Variants in LAMP5 observed in about 807,000 individuals in gnomAD.
LAMP5 encodes the protein lysosome associated membrane protein 5, also known as lysosome-associated membrane glycoprotein 5.
In LAMP5, 36 loss-of-function variants were observed where a neutral mutation model predicts 30.2. The ratio of observed to expected loss-of-function variants is 1.19; its 90% confidence interval spans 0.91 to 1.57. LAMP5 has a LOEUF of 1.57. Ranked by LOEUF, LAMP5 falls within the 40% of genes most tolerant of loss-of-function variation. LAMP5 has a pLI of 0.00. For missense variants in LAMP5, 377 were observed against 354.9 expected, an observed-to-expected ratio of 1.06 and a Z score of -0.50; for synonymous variants, 149 against 134.6, an observed-to-expected ratio of 1.11 and a Z score of -0.74.
intron 5 of LAMP5, among the ~76,000 whole-genome samples, chr20:9,525,269 A>G (rs1281964595): frequency 6.6e-6 from 1 of 152,196 alleles, no homozygotes; most frequent in African/African-American, 2.4e-5. Flanking sequence ...AAAGACTCCC[A>G]TATTTAAAAG....
chr20:9,517,966 C>T, intron 4 of LAMP5, 74 bp from the exon 5 acceptor site: 5 of 1,356,476 alleles, frequency 3.7e-6, no homozygotes, highest in African/African-American at 1.5e-5. Context: ...AACTGAGAGG[C>T]AATAGCCAGC....
At chr20:9,523,643 G>A (rs992537802) in intron 5 of LAMP5, among the ~76,000 whole-genome samples, 1 of 152,052 alleles carries the variant, frequency 6.6e-6, no homozygotes, top group Admixed American at 6.6e-5. Flanking sequence ...GCTGGTTTTT[G>A]TCTCTTCCAG....
intron 5 of LAMP5, 125 bp from the exon 6 acceptor site, chr20:9,529,517 C>A: frequency 1.0e-6 from 1 of 983,806 alleles, no homozygotes; most frequent in Non-Finnish European, 1.5e-6. Flanking sequence ...AAAACTATTT[C>A]TGAAAAATAG....
At chr20:9,521,072 T>C (rs1313203460) in intron 5 of LAMP5, among the ~76,000 whole-genome samples, 1 of 152,130 alleles carries the variant, frequency 6.6e-6, no homozygotes, top group African/African-American at 2.4e-5. Flanking sequence ...AAAGGCACAA[T>C]AAGCTTCATT....
At chr20:9,515,037 T>C in intron 1 of LAMP5, 121 bp downstream of exon 1, 1 of 919,434 alleles carries the variant, frequency 1.1e-6, no homozygotes, top group Non-Finnish European at 1.7e-6. Flanking sequence ...TGCGGTGTTT[T>C]TTCTTTTTTT....
intron 3 of LAMP5, 40 bp downstream of exon 3, chr20:9,516,171 G>C (rs1022629326): frequency 1.3e-6 from 2 of 1,595,100 alleles, no homozygotes; most frequent in Admixed American, 1.7e-5. Flanking sequence ...CGCAGGCTCC[G>C]CGTGGGTGTG....
intron 3 of LAMP5, 40 bp downstream of exon 3, chr20:9,516,171 G>T: frequency 1.3e-6 from 2 of 1,595,100 alleles, no homozygotes; most frequent in Non-Finnish European, 1.7e-6. Context: ...CGCAGGCTCC[G>T]CGTGGGTGTG....
At position 9,514,672 on chromosome 20, in the gene LAMP5, T is replaced by G; in HGVS notation, c.-181T>G. On this transcript the variant is annotated 5_prime_UTR_variant, in exon 1 of 6. Coordinates refer to ENST00000246070, the MANE Select transcript of LAMP5 (RefSeq NM_012261.4). ...AGCCGATTTGCTCTGCCAGCAGCTG[T>G]CGGTGCCGCGCTCGACACCGAGTCC... is the stretch of plus-strand genomic sequence containing the variant. 1.8e-6 allele frequency: 1 copy of G among 554,058 alleles called. No homozygotes were observed. The highest frequency in any genetic ancestry group is 3.2e-6 in the Non-Finnish European group (1 of 309,288). 34.3% of individuals were successfully genotyped at this position (554,058 alleles called of 1,614,324 possible). A position where few individuals can be genotyped will look rare whatever the true frequency, so the allele number is the denominator to read the frequency against.
Position 9,529,691 on chromosome 20 carries a change from C to G in LAMP5, c.714C>G (p.Pro238=). 1.2e-6 allele frequency: 2 copies of G among 1,614,196 alleles called. No homozygotes were observed. Among genetic ancestry groups the G allele is most frequent in the Non-Finnish European group, 1.7e-6 (2 of 1,180,022 alleles). ...GGGAGCAACTGGAAGAAACCTTGCC[C>G]CTGATTTTGGGGCTCATCTTGGGCC... is the stretch of plus-strand genomic sequence containing the variant. ...DEREQLEETL[P]LILGLILGLV... is the part of the protein sequence containing the mutation. Residue 238 remains proline (P), a synonymous_variant, in exon 6 of 6, where the codon CCC becomes CCG. Coordinates refer to ENST00000246070, the MANE Select transcript of LAMP5 (RefSeq NM_012261.4).
chr20:9,518,547 T>C (rs1462014502), intron 5 of LAMP5, among the ~76,000 whole-genome samples: 1 of 152,178 alleles, frequency 6.6e-6, no homozygotes, highest in Admixed American at 6.5e-5. Flanking sequence ...CATCTTTCCC[T>C]CTCTCCCCAT....
At chr20:9,515,922 G>C (rs1405948451) in intron 2 of LAMP5, 78 bp from the exon 3 acceptor site, 2 of 1,416,900 alleles carry the variant, frequency 1.4e-6, no homozygotes, top group Non-Finnish European at 1.9e-6. Flanking sequence ...GCAACCCAGA[G>C]TTTGGACGCG....
In LAMP5 at chr20:9,514,843, C is replaced by A. The variant is rs372081755; in HGVS notation, c.-10C>A. 65 of 1,613,736 alleles carry A rather than the reference C, an allele frequency of 4.0e-5. No individual in the cohort carries two copies. Among genetic ancestry groups the A allele is most frequent in the Non-Finnish European group, 5.3e-5 (62 of 1,179,774 alleles). On this transcript the variant is annotated 5_prime_UTR_variant, in exon 1 of 6. Transcript: ENST00000246070. Reference sequence around the variant, plus strand: ...GCAGCACAGCCGGCCTCATTCGGGGCACTGCGAGTATGGATCTCCAAGGAA... The same window carrying A: ...GCAGCACAGCCGGCCTCATTCGGGGAACTGCGAGTATGGATCTCCAAGGAA...
In LAMP5 at chr20:9,529,948, A is replaced by G. The variant is rs527297130; in HGVS notation, c.*128A>G. The G allele has an allele frequency of 6.4e-6, 6 of 939,454 alleles. No individual in the cohort carries two copies. In the African/African-American group the frequency reaches 8.2e-5, roughly 13 times the overall value. The allele number at this position is 939,454 out of a possible 1,614,324, so 58.2% of individuals were successfully genotyped here. On this transcript the variant is annotated 3_prime_UTR_variant, in exon 6 of 6. Coordinates refer to ENST00000246070, the MANE Select transcript of LAMP5 (RefSeq NM_012261.4). The stretch of plus-strand genomic sequence containing the variant: ...ACAATCAAACAGGCCTGGGTATCTG[A>G]GGCTTGCTTGGCTTGTGTCCATGCT...
rs6039486 is a variant in LAMP5, at chr20:9,520,154, A to G, written c.664+1926A>G. On this transcript the variant is annotated intron_variant, in intron 5 of 5. Transcript: ENST00000246070. ...ATAACTTCCTAAATGCAAATAGAGA[A>G]GTCACAATCAAATGGCACTTGTCTC... 1.3e-3 allele frequency among the ~76,000 whole-genome samples: 191 copies of G among 152,334 alleles called. 2 individuals are homozygous for G. Among genetic ancestry groups the G allele is most frequent in the African/African-American group, 4.3e-3 (179 of 41,578 alleles).
chr20:9,524,474 GTT>G (rs202207899), intron 5 of LAMP5, among the ~76,000 whole-genome samples: 2 of 139,254 alleles, frequency 1.4e-5, no homozygotes, highest in African/African-American at 2.6e-5. Flanking sequence ...GTAAAATATT[GTT>G]TTTTTTTTTT....
At chr20:9,520,381 A>G (rs1245153299) in intron 5 of LAMP5, among the ~76,000 whole-genome samples, 1 of 152,032 alleles carries the variant, frequency 6.6e-6, no homozygotes, top group Non-Finnish European at 1.5e-5. Flanking sequence ...GTTTTGTAAG[A>G]GATCATTATT....
In LAMP5 at chr20:9,515,535, G is replaced by A. The variant is rs1336240154; in HGVS notation, c.147G>A (p.Val49=). 6.2e-7 allele frequency: 1 copy of A among 1,614,052 alleles called. No homozygotes were observed. Among genetic ancestry groups the A allele is most frequent in the Admixed American group, 1.7e-5 (1 of 60,012 alleles). ...CTAACCCTGAAAAAGATATATTTGT[G>A]GTGCGGGAAAATGGGACGACGTGTC... is the stretch of plus-strand genomic sequence containing the variant. ...LSTNPEKDIF[V]VRENGTTCLM... Residue 49 remains valine, a synonymous_variant, in exon 2 of 6, where the codon GTG becomes GTA. Coordinates refer to ENST00000246070, the MANE Select transcript of LAMP5 (RefSeq NM_012261.4).
rs2232256 is a variant in LAMP5 at position 9,514,640 on chromosome 20, C to A, written c.-213C>A. The A allele has an allele frequency of 1.5e-5, 7 of 476,132 alleles. No homozygotes were observed. The highest frequency in any genetic ancestry group is 2.3e-5 in the Non-Finnish European group (6 of 260,578). 29.5% of individuals were successfully genotyped at this position (476,132 alleles called of 1,614,324 possible). ...TGGACCGCCGTGCGGTCCTTTCCTC[C>A]GCAGTGAGCCGATTTGCTCTGCCAG... On this transcript the variant is annotated 5_prime_UTR_variant, in exon 1 of 6. Coordinates refer to ENST00000246070, the MANE Select transcript of LAMP5 (RefSeq NM_012261.4).
intron 5 of LAMP5, among the ~76,000 whole-genome samples, chr20:9,524,444 C>T (rs2045098124): frequency 6.7e-6 from 1 of 150,356 alleles, no homozygotes; most frequent in East Asian, 2.0e-4. Context: ...TCTGCATGTA[C>T]ATATGCTCTA....
Sources: allele counts gnomAD v4.1 joint callset (sites outside exome capture counted in the v4.1 genomes callset), GRCh38; gene constraint gnomAD v4.1.1; transcripts MANE v1.5; gene names NCBI Gene and HGNC (gene_info 2026-07-23, HGNC 2026-07-21).